The following ARHGEF11 variants were observed in gnomAD, a reference collection of about 807,000 sequenced individuals.
The protein encoded by ARHGEF11 is Rho guanine exchange factor (GEF) 11.
In ARHGEF11, 55 loss-of-function variants were observed where a neutral mutation model predicts 193.7. The observed-to-expected ratio is 0.28, with a 90% confidence interval of 0.23 to 0.36. ARHGEF11 has a LOEUF of 0.36. ARHGEF11 is among the 10% of genes least tolerant of loss of function. ARHGEF11 has a pLI of 1.00. For synonymous variants in ARHGEF11, 693 were observed against 768.0 expected, an observed-to-expected ratio of 0.90 and a Z score of 1.62; for missense variants, 1,723 against 2,005.6, an observed-to-expected ratio of 0.86 and a Z score of 2.69.
At chr1:156,983,640 G>A (rs1307526595) in intron 3 of ARHGEF11, among the ~76,000 whole-genome samples, 2 of 152,184 alleles carry the variant, frequency 1.3e-5, no homozygotes, top group African/African-American at 2.4e-5. Context: ...GTAACTTGAT[G>A]GATTTGGCTA....
chr1:157,005,392 C>G (rs1667704232), intron 1 of ARHGEF11, among the ~76,000 whole-genome samples: 2 of 152,112 alleles, frequency 1.3e-5, no homozygotes, highest in African/African-American at 2.4e-5. Context: ...TTGGATAGTG[C>G]AAAAGATGGA....
intron 26 of ARHGEF11, 97 bp from the exon 27 acceptor site, chr1:156,947,112 T>C (rs988159603): frequency 1.4e-5 from 21 of 1,527,530 alleles, no homozygotes; most frequent in Non-Finnish European, 1.7e-5. Context: ...AGCAGTGCCA[T>C]GGGAAGGGTC....
chr1:156,936,048 G>A lies in ARHGEF11; in HGVS notation c.4641C>T (p.Ala1547=). Residue 1547 remains alanine, a synonymous_variant, in exon 41 of 41, where the codon GCC becomes GCT. Transcript: ENST00000368194. ...CGTCTGCTGTGCTGTCTTCCAGGGG[G>A]GCGTCAGAGCCTGTGGGAGGAGGAT... The part of the protein sequence containing the change: ...LGPCPEDGSD[A]PLEDSTADAA... The A allele has an allele frequency of 6.2e-7, 1 of 1,614,016 alleles. No homozygotes were observed. The highest frequency in any genetic ancestry group is 2.2e-5 in the East Asian group (1 of 44,882).
At chr1:156,936,480 G>GAAAAAAAAAAAA (rs35863393) in intron 40 of ARHGEF11, among the ~76,000 whole-genome samples, 1 of 48,018 alleles carries the variant, frequency 2.1e-5, no homozygotes, top group African/African-American at 1.2e-4. Flanking sequence ...CAAATAAATA[G>GAAAAAAAAAAAA]AAAAAAAAAA....
chr1:156,946,862 C>A (rs548256680), intron 27 of ARHGEF11, 74 bp downstream of exon 27: 1 of 1,340,312 alleles, frequency 7.5e-7, no homozygotes, highest in African/African-American at 2.1e-5. Context: ...TTGCCAAATT[C>A]TCTGGCCTTG....
At chr1:156,988,917 C>G (rs1430098817) in intron 1 of ARHGEF11, among the ~76,000 whole-genome samples, 2 of 152,084 alleles carry the variant, frequency 1.3e-5, no homozygotes, top group Non-Finnish European at 2.9e-5. Context: ...ACTATTGTGT[C>G]AGCTGGGTTG....
Position 156,936,073 on chromosome 1 carries a change from T to C in ARHGEF11, c.4631-15A>G, listed in dbSNP as rs1296181148. On this transcript the variant is annotated splice_polypyrimidine_tract_variant and intron_variant, in intron 40 of 40. Transcript: ENST00000368194. ...GGCGTCAGAGCCTGTGGGAGGAGGA[T>C]GAAGGTGAGGAACTGGCCAGCCTGA... 13 of 1,613,808 alleles carry C rather than the reference T, an allele frequency of 8.1e-6. No homozygotes were observed. Among genetic ancestry groups the C allele is most frequent in the South Asian group, 3.3e-5 (3 of 91,056 alleles).
At chr1:156,965,380 T>C (rs1236955945) in intron 11 of ARHGEF11, among the ~76,000 whole-genome samples, 1 of 152,192 alleles carries the variant, frequency 6.6e-6, no homozygotes, top group Non-Finnish European at 1.5e-5. Flanking sequence ...AAGAGCTCCG[T>C]GTTGGGGACC....
chr1:157,011,539 GAA>G (rs758782835), intron 1 of ARHGEF11, among the ~76,000 whole-genome samples: 1 of 152,126 alleles, frequency 6.6e-6, no homozygotes. Context: ...TCAAGAAAGT[GAA>G]AAGACAGCCC....
At chr1:156,998,377 A>T (rs1298758132) in intron 1 of ARHGEF11, among the ~76,000 whole-genome samples, 1 of 152,234 alleles carries the variant, frequency 6.6e-6, no homozygotes, top group African/African-American at 2.4e-5. Flanking sequence ...TGCCGAAGCT[A>T]TGCCCAGGAA....
chr1:156,982,008 C>T (rs1664253888), intron 3 of ARHGEF11, among the ~76,000 whole-genome samples: 1 of 152,240 alleles, frequency 6.6e-6, no homozygotes, highest in South Asian at 2.1e-4. Flanking sequence ...GACTACATTC[C>T]AATTTGGCTT....
At chr1:156,940,521 C>A in intron 35 of ARHGEF11, 96 bp from the exon 36 acceptor site, 1 of 1,101,668 alleles carries the variant, frequency 9.1e-7, no homozygotes, top group Admixed American at 2.6e-5. Context: ...GCTGGGAACA[C>A]TGACTTATTC....
chr1:156,942,101 T>A, intron 33 of ARHGEF11, 112 bp from the exon 34 acceptor site: 1 of 1,523,630 alleles, frequency 6.6e-7, no homozygotes, highest in East Asian at 2.3e-5. Flanking sequence ...ACCCTCTGCC[T>A]GGCAGGTGCC....
rs59159449 is a variant in ARHGEF11, at chr1:156,962,878, C to CAAAAAA, written c.1140+319_1140+324dup. ...TCGGCGACAGTGCGAGACTCCGTCTCAAAAAAAAAAAAAAAAAAAAAAAAA... is the reference window on the plus strand; with the variant it reads ...TCGGCGACAGTGCGAGACTCCGTCTCAAAAAAAAAAAAAAAAAAAAAAAAAAAAAAA... On this transcript the variant is annotated intron_variant, in intron 13 of 40. Coordinates refer to ENST00000368194, the MANE Select transcript of ARHGEF11 (RefSeq NM_198236.3). Among the ~76,000 whole-genome samples, 3 of 21,282 alleles carry CAAAAAA rather than the reference C, an allele frequency of 1.4e-4. 1 individual carries two copies. Among genetic ancestry groups the CAAAAAA allele is most frequent in the African/African-American group, 5.3e-4 (3 of 5,710 alleles). 14.0% of individuals were successfully genotyped at this position (21,282 alleles called of 152,430 possible).
chr1:156,935,046 G>C lies in ARHGEF11; in HGVS notation c.*954C>G, dbSNP rs1056425513. On this transcript the variant is annotated 3_prime_UTR_variant, in exon 41 of 41. Coordinates refer to ENST00000368194, the MANE Select transcript of ARHGEF11 (RefSeq NM_198236.3). ...TCAGGGAGAGTTGGGTGAGGACGTG[G>C]TGATGGGGCCAATGCTGCGGTGGCC... is the stretch of plus-strand genomic sequence containing the variant. 1.3e-5 allele frequency: 2 copies of C among 151,954 alleles called. No individual in the cohort carries two copies. The highest frequency in any genetic ancestry group is 4.2e-4 in the South Asian group (2 of 4,800). 9.4% of individuals were successfully genotyped at this position (151,954 alleles called of 1,614,324 possible).
chr1:157,010,692 G>A (rs891277345), intron 1 of ARHGEF11, among the ~76,000 whole-genome samples: 1 of 152,132 alleles, frequency 6.6e-6, no homozygotes, highest in African/African-American at 2.4e-5. Context: ...ATAGGCATGA[G>A]CCACCATACT....
At chr1:156,961,507 A>AT (rs1557864474) in intron 14 of ARHGEF11, among the ~76,000 whole-genome samples, 170 bp downstream of exon 14, 1 of 152,290 alleles carries the variant, frequency 6.6e-6, no homozygotes, top group African/African-American at 2.4e-5. Context: ...GTACTGTGAG[A>AT]TTTTTTGAGA....
At chr1:156,936,491 A>ATAT (rs1553192701) in intron 40 of ARHGEF11, among the ~76,000 whole-genome samples, 29 of 71,382 alleles carry the variant, frequency 4.1e-4, no homozygotes, top group African/African-American at 1.3e-3. Context: ...AAAAAAAAAA[A>ATAT]AAAAAAATAT....
At chr1:156,963,745 G>T (rs1450299740) in intron 11 of ARHGEF11, 151 bp from the exon 12 acceptor site, 5 of 1,452,442 alleles carry the variant, frequency 3.4e-6, no homozygotes, top group Non-Finnish European at 4.5e-6. Context: ...CCCAAAATCA[G>T]AGCACAGATG....
Sources: gnomAD v4.1 joint callset for allele counts (sites outside exome capture counted in the v4.1 genomes callset) on GRCh38, gnomAD v4.1.1 for gene constraint, MANE v1.5 for transcripts, NCBI Gene and HGNC (gene_info 2026-07-23, HGNC 2026-07-21) for gene names.